Variants in GPR160 observed in about 807,000 individuals in gnomAD.
The protein encoded by GPR160 is probable G protein-coupled receptor 160.
Under a neutral mutation model 2.6 loss-of-function variants are expected in GPR160, and 2 were observed. That is an observed-to-expected ratio of 0.77 (90% CI 0.32 to 2.44). The LOEUF is 2.44. Among genes scored for constraint, GPR160 ranks in the 30% most tolerant of loss-of-function variants. The pLI is 0.11. For missense variants in GPR160, 351 were observed against 383.6 expected (o/e 0.91, Z 0.71); for synonymous variants, 130 against 132.2 (o/e 0.98, Z 0.12).
intron 2 of GPR160, among the ~76,000 whole-genome samples, chr3:170,056,086 A>G (rs1711631221): frequency 6.6e-6 from 1 of 151,958 alleles, no homozygotes; most frequent in Non-Finnish European, 1.5e-5. Context: ...CTATTTGTTG[A>G]TGTTGTTCTT....
At chr3:170,062,837 A>G (rs1712039672) in intron 2 of GPR160, 9 of 544,866 alleles carry the variant, frequency 1.7e-5, no homozygotes, top group South Asian at 1.1e-4. Flanking sequence ...GAAAGGAAAG[A>G]AGGAGTGAAG....
At chr3:170,070,482 A>T (rs950404077) in intron 2 of GPR160, among the ~76,000 whole-genome samples, 1 of 152,200 alleles carries the variant, frequency 6.6e-6, no homozygotes, top group Non-Finnish European at 1.5e-5. Flanking sequence ...AGTACATCAG[A>T]GGTGGCAAAT....
At chr3:170,081,538 T>TG (rs1318059968) in intron 3 of GPR160, among the ~76,000 whole-genome samples, 1 of 152,152 alleles carries the variant, frequency 6.6e-6, no homozygotes, top group East Asian at 1.9e-4. Context: ...ATGAGAGTAA[T>TG]GGTTCAATCT....
chr3:170,053,989 A>C (rs1388841964), intron 2 of GPR160, among the ~76,000 whole-genome samples: 12 of 151,426 alleles, frequency 7.9e-5, no homozygotes, highest in Middle Eastern at 3.4e-3. Context: ...CAGCTTTAAC[A>C]CTTGAATATC....
At chr3:170,062,762 C>A in intron 2 of GPR160, 1 of 883,872 alleles carries the variant, frequency 1.1e-6, no homozygotes, top group Non-Finnish European at 1.9e-6. Flanking sequence ...CAAGGAGCTC[C>A]AGGAAGGGCA....
At chr3:170,046,959 G>C (rs1171909196) in intron 2 of GPR160, among the ~76,000 whole-genome samples, 1 of 152,158 alleles carries the variant, frequency 6.6e-6, no homozygotes, top group African/African-American at 2.4e-5. Flanking sequence ...TGATAGCTAA[G>C]GTGTTGCTGG....
intron 2 of GPR160, among the ~76,000 whole-genome samples, chr3:170,050,065 T>C (rs1298473857): frequency 6.6e-6 from 1 of 151,200 alleles, no homozygotes; most frequent in Non-Finnish European, 1.5e-5. Flanking sequence ...ACAATTCCTT[T>C]TTTTTTTTTT....
chr3:170,051,855 T>G (rs926176772), intron 2 of GPR160, among the ~76,000 whole-genome samples: 1 of 152,202 alleles, frequency 6.6e-6, no homozygotes, highest in Non-Finnish European at 1.5e-5. Flanking sequence ...GTTGTTGATT[T>G]CTTTTATGGT....
chr3:170,047,741 C>T (rs915701862), intron 2 of GPR160, among the ~76,000 whole-genome samples: 1 of 151,244 alleles, frequency 6.6e-6, no homozygotes, highest in Admixed American at 6.6e-5. Context: ...ATCACATATA[C>T]ACATACACAA....
At chr3:170,073,519 G>A (rs542355985) in intron 2 of GPR160, among the ~76,000 whole-genome samples, 6 of 152,188 alleles carry the variant, frequency 3.9e-5, no homozygotes, top group African/African-American at 1.2e-4. Flanking sequence ...CTGCATCTGC[G>A]TCTCTTCAGG....
chr3:170,040,160 A>G (rs1716386332), intron 2 of GPR160, among the ~76,000 whole-genome samples: 1 of 152,222 alleles, frequency 6.6e-6, no homozygotes, highest in Admixed American at 6.5e-5. Context: ...CTGCACATTC[A>G]GCACCTGTAT....
At chr3:170,044,873 A>G (rs978406369) in intron 2 of GPR160, among the ~76,000 whole-genome samples, 1 of 152,170 alleles carries the variant, frequency 6.6e-6, no homozygotes, top group Non-Finnish European at 1.5e-5. Context: ...AAAGCTCTGC[A>G]GGGATGAGGA....
In GPR160 at chr3:170,084,676, G is replaced by T. The variant is rs1457256203; in HGVS notation, c.704G>T (p.Arg235Ile). The T allele has an allele frequency of 6.2e-7, 1 of 1,611,268 alleles. No homozygotes were observed. Among genetic ancestry groups the T allele is most frequent in the African/African-American group, 1.3e-5 (1 of 74,854 alleles). ...TCATCCCACTCCAGTTATACTGTGA[G>T]ATCTAAAAAAATATTCTTATCCAAG... ...PFSSHSSYTV[R>I]SKKIFLSKLI... The change falls in exon 4 of 4, where the codon AGA (arginine) becomes ATA (isoleucine). Residue 235 changes from arginine (R) to isoleucine (I), a missense_variant. Coordinates refer to ENST00000355897, the MANE Select transcript of GPR160 (RefSeq NM_014373.3).
chr3:170,084,598 A>G lies in GPR160; in HGVS notation c.626A>G (p.Gln209Arg). 2 of 1,613,194 alleles carry G rather than the reference A, an allele frequency of 1.2e-6. No individual in the cohort carries two copies. Among genetic ancestry groups the G allele is most frequent in the Non-Finnish European group, 8.5e-7 (1 of 1,179,174 alleles). Residue 209 changes from glutamine (Q) to arginine (R), a missense_variant, in exon 4 of 4, where the codon CAG becomes CGG. By Grantham distance (43) the Gln-to-Arg change is conservative. Transcript: ENST00000355897. The stretch of plus-strand genomic sequence containing the variant: ...TGGGAAGAAGTTACTACTTTGGTAC[A>G]GGCTATCAGGATAACTTCCTATATG... ...TCWEEVTTLV[Q>R]AIRITSYMNE...
chr3:170,085,102 T>A lies in GPR160; in HGVS notation c.*113T>A. 6.0e-6 allele frequency: 3 copies of A among 499,164 alleles called. No homozygotes were observed. The highest frequency in any genetic ancestry group is 1.1e-5 in the Non-Finnish European group (3 of 282,494). The allele number at this position is 499,164 out of a possible 1,614,324, so 30.9% of individuals were successfully genotyped here. On this transcript the variant is annotated 3_prime_UTR_variant, in exon 4 of 4. Coordinates refer to ENST00000355897, the MANE Select transcript of GPR160 (RefSeq NM_014373.3). ...AAAACAACTTTTGCCCCCTGACTGA[T>A]AGCATTTCAGAATGTGTCTTTTGAA...
At position 170,079,762 on chromosome 3, in the gene GPR160, T is replaced by C. The variant is rs532427317; in HGVS notation, c.-192-12T>C. On this transcript the variant is annotated splice_polypyrimidine_tract_variant and intron_variant, in intron 2 of 3. Coordinates refer to ENST00000355897, the MANE Select transcript of GPR160 (RefSeq NM_014373.3). ...TAATGATGTTTCATTTTGTTTTCTATCTTTCACACAGAGCTTACTCACATA... is the reference window on the plus strand; with the variant it reads ...TAATGATGTTTCATTTTGTTTTCTACCTTTCACACAGAGCTTACTCACATA... The C allele has an allele frequency of 4.7e-4, 71 of 152,276 alleles. No homozygotes were observed. The highest frequency in any genetic ancestry group is 1.4e-3 in the African/African-American group (59 of 41,522). 9.4% of individuals were successfully genotyped at this position (152,276 alleles called of 1,614,324 possible).
At chr3:170,053,414 A>T (rs1241513603) in intron 2 of GPR160, among the ~76,000 whole-genome samples, 1 of 151,920 alleles carries the variant, frequency 6.6e-6, no homozygotes, top group East Asian at 1.9e-4. Flanking sequence ...TCATTTTTGA[A>T]TTTTGTTGCT....
intron 2 of GPR160, among the ~76,000 whole-genome samples, chr3:170,061,938 C>T (rs539030736): frequency 1.1e-4 from 17 of 152,120 alleles, no homozygotes; most frequent in East Asian, 7.7e-4. Context: ...CGCTTGAGGC[C>T]GGCAGTTTGA....
chr3:170,077,254 T>A (rs751645590), intron 2 of GPR160: 2 of 152,238 alleles, frequency 1.3e-5, no homozygotes, highest in Non-Finnish European at 1.5e-5. Flanking sequence ...ATGGTTTTTT[T>A]AAACTTTTCT....
Sources: gnomAD v4.1 joint callset for allele counts (sites outside exome capture counted in the v4.1 genomes callset) on GRCh38, gnomAD v4.1.1 for gene constraint, MANE v1.5 for transcripts, NCBI Gene and HGNC (gene_info 2026-07-23, HGNC 2026-07-21) for gene names.